Variants in XKR6 observed in about 807,000 individuals in gnomAD.
XKR6 encodes XK related 6, also known as XK-related protein 6.
XKR6 carries 22 observed loss-of-function variants against 56.7 expected under a neutral mutation model. The observed-to-expected ratio is 0.39, with a 90% CI of 0.28 to 0.55. The LOEUF is 0.55. Ranked by LOEUF, XKR6 falls within the 20% of genes least tolerant of loss-of-function variation. The pLI is 0.66. For synonymous variants in XKR6, 524 were observed against 387.8 expected, an observed-to-expected ratio of 1.35 and a Z score of -4.13; for missense variants, 852 against 889.0, an observed-to-expected ratio of 0.96 and a Z score of 0.53.
intron 1 of XKR6, among the ~76,000 whole-genome samples, chr8:10,982,472 A>G (rs1025515268): frequency 1.3e-5 from 2 of 152,292 alleles, no homozygotes; most frequent in South Asian, 4.1e-4. Context: ...CTCCAACATG[A>G]GTGCTTCTCT....
chr8:11,054,798 G>A (rs1317147931), intron 1 of XKR6, among the ~76,000 whole-genome samples: 5 of 152,210 alleles, frequency 3.3e-5, no homozygotes, highest in Non-Finnish European at 7.3e-5. Flanking sequence ...CTGCCAGGGT[G>A]GTGCTCACTG....
chr8:11,111,697 G>A (rs146824141), intron 1 of XKR6: 1 of 152,124 alleles, frequency 6.6e-6, no homozygotes, highest in East Asian at 1.9e-4. Context: ...CTGATAATGA[G>A]AGACATGCAT....
intron 1 of XKR6, chr8:11,105,999 AG>A (rs1248154298): frequency 1.3e-5 from 2 of 152,268 alleles, no homozygotes; most frequent in Non-Finnish European, 2.9e-5. Flanking sequence ...TATTACACCA[AG>A]AGTCAGAAAA....
intron 1 of XKR6, chr8:11,108,646 C>T (rs952390316): frequency 3.4e-6 from 1 of 294,680 alleles, no homozygotes; most frequent in Non-Finnish European, 6.5e-6. Flanking sequence ...AAGCTCTTGC[C>T]ATGTGGCTCA....
intron 1 of XKR6, among the ~76,000 whole-genome samples, chr8:11,091,150 G>A (rs1798055583): frequency 6.6e-6 from 1 of 152,150 alleles, no homozygotes; most frequent in Admixed American, 6.5e-5. Context: ...CAAGACAAAG[G>A]CCTGGAGTGG....
intron 1 of XKR6, among the ~76,000 whole-genome samples, chr8:11,157,927 G>C (rs1801602663): frequency 6.6e-6 from 1 of 152,090 alleles, no homozygotes; most frequent in African/African-American, 2.4e-5. Context: ...TCTCCATCAA[G>C]CGGCATTAGA....
At position 11,195,270 on chromosome 8, in the gene XKR6, T is replaced by C. The variant is rs576098787; in HGVS notation, c.764+5306A>G. Reference sequence around the variant, plus strand: ...ACCCTAGTGTTTTTACAGTTTAACATTTTATGTTTACACCTTTCATTCTTT... The same window carrying C: ...ACCCTAGTGTTTTTACAGTTTAACACTTTATGTTTACACCTTTCATTCTTT... On this transcript the variant is annotated intron_variant, in intron 1 of 2. Coordinates refer to ENST00000416569, the MANE Select transcript of XKR6 (RefSeq NM_173683.4). The C allele has an allele frequency of 1.3e-5, 9 of 679,064 alleles. No individual in the cohort carries two copies. In the East Asian group the frequency reaches 2.5e-4, roughly 19 times the overall value. The allele number at this position is 679,064 out of a possible 1,614,324, so 42.1% of individuals were successfully genotyped here.
chr8:11,105,863 T>A (rs984211428), intron 1 of XKR6: 1 of 152,192 alleles, frequency 6.6e-6, no homozygotes, highest in African/African-American at 2.4e-5. Context: ...AACACAAACA[T>A]ATACAAGCAG....
At chr8:10,943,820 C>T (rs1361622948) in intron 1 of XKR6, among the ~76,000 whole-genome samples, 1 of 152,134 alleles carries the variant, frequency 6.6e-6, no homozygotes, top group Non-Finnish European at 1.5e-5. Context: ...CATTCCCTCC[C>T]CTTCTCATTC....
chr8:11,142,023 CA>C (rs61218279), intron 1 of XKR6, among the ~76,000 whole-genome samples: 2,021 of 99,142 alleles, frequency 0.02, 20 homozygotes, highest in African/African-American at 0.056. Flanking sequence ...TACTACATTC[CA>C]AAAAAAAAAA....
At chr8:11,089,184 C>A (rs533528684) in intron 1 of XKR6, among the ~76,000 whole-genome samples, 27 of 152,012 alleles carry the variant, frequency 1.8e-4, no homozygotes, top group Non-Finnish European at 4.4e-5. Context: ...CACAAGTGGC[C>A]CACCAGCGTG....
intron 1 of XKR6, among the ~76,000 whole-genome samples, chr8:11,004,407 G>C (rs1392871901): frequency 1.3e-5 from 2 of 152,148 alleles, no homozygotes; most frequent in East Asian, 3.9e-4. Flanking sequence ...AGGAGGCGGA[G>C]GTTGCAGTGA....
At chr8:10,995,246 G>A (rs886702793) in intron 1 of XKR6, among the ~76,000 whole-genome samples, 1 of 151,850 alleles carries the variant, frequency 6.6e-6, no homozygotes, top group East Asian at 1.9e-4. Flanking sequence ...TGGGCATGGT[G>A]GCTCACACCT....
intron 1 of XKR6, among the ~76,000 whole-genome samples, chr8:10,954,273 T>C (rs1241067290): frequency 6.6e-6 from 1 of 152,260 alleles, no homozygotes; most frequent in East Asian, 1.9e-4. Flanking sequence ...CCATTTTGTA[T>C]TCCCACAAAC....
intron 1 of XKR6, among the ~76,000 whole-genome samples, chr8:11,097,380 C>A: frequency 6.6e-6 from 1 of 151,804 alleles, no homozygotes. Context: ...TGGGTTCCAG[C>A]ATAAACTTGA....
intron 1 of XKR6, among the ~76,000 whole-genome samples, chr8:10,981,177 T>C (rs1392757526): frequency 6.6e-6 from 1 of 152,184 alleles, no homozygotes; most frequent in Non-Finnish European, 1.5e-5. Flanking sequence ...GCTCTTGCAA[T>C]ACTGAGAGAT....
At chr8:10,933,126 T>G (rs896857812) in intron 1 of XKR6, among the ~76,000 whole-genome samples, 1 of 149,892 alleles carries the variant, frequency 6.7e-6, no homozygotes, top group African/African-American at 2.5e-5. Context: ...GTGGTTTTGA[T>G]TTGCATTTCT....
intron 1 of XKR6, among the ~76,000 whole-genome samples, chr8:11,192,180 G>A (rs966424151): frequency 4.0e-5 from 6 of 151,844 alleles, no homozygotes; most frequent in Admixed American, 3.3e-4. Flanking sequence ...TTTTTGTGAG[G>A]TGGAGTCTCG....
chr8:11,187,697 G>T (rs1021352061), intron 1 of XKR6, among the ~76,000 whole-genome samples: 11 of 152,170 alleles, frequency 7.2e-5, no homozygotes, highest in Non-Finnish European at 1.5e-4. Context: ...GGGCATGGGG[G>T]TGGCTGGTTT....
Sources: gnomAD v4.1 joint callset for allele counts (sites outside exome capture counted in the v4.1 genomes callset) on GRCh38, gnomAD v4.1.1 for gene constraint, MANE v1.5 for transcripts, NCBI Gene and HGNC (gene_info 2026-07-23, HGNC 2026-07-21) for gene names.